The following SKP2 variants were observed in gnomAD, a reference collection of about 807,000 sequenced individuals.
SKP2 encodes S-phase kinase associated protein 2.
A neutral mutation model predicts 51.8 loss-of-function variants in SKP2; 16 were observed. The observed-to-expected ratio is 0.31, with a 90% CI of 0.21 to 0.47. The LOEUF (loss-of-function observed/expected upper bound fraction) is 0.47, where lower values mean the gene tolerates loss of function less well. Ranked by LOEUF, SKP2 falls within the 20% of genes least tolerant of loss-of-function variation. The probability of loss-of-function intolerance (pLI) is 1.00; values close to 1 mark genes in which losing one functional copy is unlikely to be tolerated. For missense variants in SKP2, 377 were observed against 505.3 expected (o/e 0.75, Z 2.43); for synonymous variants, 176 against 198.6 (o/e 0.89, Z 0.96).
chr5:36,154,329 G>A (rs1561530063), intron 2 of SKP2, among the ~76,000 whole-genome samples: 1 of 152,034 alleles, frequency 6.6e-6, no homozygotes, highest in East Asian at 1.9e-4. Flanking sequence ...CAAAGACCCT[G>A]GTGCATAAAT....
chr5:36,159,387 T>G (rs16902759), intron 2 of SKP2, among the ~76,000 whole-genome samples: 1,711 of 152,332 alleles, frequency 0.011, 31 homozygotes, highest in African/African-American at 0.039. Flanking sequence ...GTTAATTTAT[T>G]TCTCCTGCCC....
In SKP2 at chr5:36,161,811, C is replaced by T. The variant is rs986858038; in HGVS notation, c.281-1834C>T. On this transcript the variant is annotated intron_variant, in intron 2 of 9. Transcript: ENST00000274255. ...AGGACATGCTCAGTAAAGACTGGCA[C>T]CTTTAAATGGGAGTAGGAGGAGAGA... 5.3e-5 allele frequency among the ~76,000 whole-genome samples: 8 copies of T among 152,088 alleles called. No homozygotes were observed. In the East Asian group the frequency reaches 1.5e-3, roughly 29 times the overall value.
At chr5:36,164,043 G>A (rs936010975) in intron 3 of SKP2, among the ~76,000 whole-genome samples, 23 of 152,188 alleles carry the variant, frequency 1.5e-4, no homozygotes, top group African/African-American at 5.6e-4. Context: ...TAAGTGCGGA[G>A]AGAGTTACAG....
chr5:36,155,858 C>T (rs1744929756), intron 2 of SKP2, among the ~76,000 whole-genome samples: 1 of 152,166 alleles, frequency 6.6e-6, no homozygotes, highest in South Asian at 2.1e-4. Flanking sequence ...GGGAACAAGA[C>T]AGAAGTTTCC....
rs1415314283 is a variant in SKP2, at chr5:36,171,615, G to A, written c.783G>A (p.Leu261=). 5.0e-6 allele frequency: 8 copies of A among 1,613,724 alleles called. No individual in the cohort carries two copies. The highest frequency in any genetic ancestry group is 2.2e-5 in the East Asian group (1 of 44,880). ...CTCTTTTGTGCAGACTGGATGAGCTGAACCTCTCCTGGTGTTTTGATTTCA... is the reference window on the plus strand; with the variant it reads ...CTCTTTTGTGCAGACTGGATGAGCTAAACCTCTCCTGGTGTTTTGATTTCA... ...LLSSCSRLDE[L]NLSWCFDFTE... The change falls in exon 7 of 10, where the codon CTG becomes CTA. Residue 261 remains leucine (L), a synonymous_variant. Transcript: ENST00000274255.
chr5:36,164,013 G>A (rs1266048026), intron 3 of SKP2, among the ~76,000 whole-genome samples: 1 of 152,196 alleles, frequency 6.6e-6, no homozygotes, highest in Non-Finnish European at 1.5e-5. Context: ...GATGCTGACT[G>A]TAGGCCAGGC....
In SKP2 at chr5:36,184,068, C is replaced by CT. The variant is rs926472915; in HGVS notation, c.*2044dup. ...TAAGTTGTATTCCTTTTTTCTTTCT[C>CT]TTTTTTTAAGTGCTGTGGTTAAAAT... On this transcript the variant is annotated 3_prime_UTR_variant, in exon 10 of 10. Transcript: ENST00000274255. 5 of 949,784 alleles carry CT rather than the reference C, an allele frequency of 5.3e-6. No individual in the cohort carries two copies. The highest frequency in any genetic ancestry group is 5.3e-5 in the East Asian group (2 of 37,758). The allele number at this position is 949,784 out of a possible 1,614,324, so 58.8% of individuals were successfully genotyped here. A position where few individuals can be genotyped will look rare whatever the true frequency, so the allele number is the denominator to read the frequency against.
At position 36,168,237 on chromosome 5, in the gene SKP2, G is replaced by A. The variant is rs979427507; in HGVS notation, c.537-76G>A. 1.1e-5 allele frequency: 15 copies of A among 1,410,172 alleles called. No individual in the cohort carries two copies. The South Asian group carries it at 1.9e-4, about 18-fold the overall frequency. The allele number at this position is 1,410,172 out of a possible 1,614,324, so 87.4% of individuals were successfully genotyped here. A position where few individuals can be genotyped will look rare whatever the true frequency, so the allele number is the denominator to read the frequency against. On this transcript the variant is annotated intron_variant, in intron 4 of 9. Coordinates refer to ENST00000274255, the MANE Select transcript of SKP2 (RefSeq NM_005983.4). Reference sequence around the variant, plus strand: ...TTGTGATTGGCTGCTCATTTGGGGAGAAGAGGGGTCTGGTTTGAAATTGGA... The same window carrying A: ...TTGTGATTGGCTGCTCATTTGGGGAAAAGAGGGGTCTGGTTTGAAATTGGA...
At position 36,152,752 on chromosome 5, in the gene SKP2, G is replaced by A. The variant is rs1335425826; in HGVS notation, c.9-19G>A. The A allele has an allele frequency of 6.2e-7, 1 of 1,609,444 alleles. No individual in the cohort carries two copies. ...GGTGTGTTTTCGAAAGGAACCGGGG[G>A]TATTGTGCACTTCTGCAGGAAGCAC... On this transcript the variant is annotated intron_variant, in intron 1 of 9. Coordinates refer to ENST00000274255, the MANE Select transcript of SKP2 (RefSeq NM_005983.4).
rs774756529 is a variant in SKP2, at chr5:36,171,662, C to T, written c.830C>T (p.Ala277Val). The T allele has an allele frequency of 6.2e-7, 1 of 1,613,696 alleles. No homozygotes were observed. Among genetic ancestry groups the T allele is most frequent in the South Asian group, 1.1e-5 (1 of 91,064 alleles). The change falls in exon 7 of 10, where the codon GCT becomes GTT. Residue 277 changes from alanine (A) to valine (V), a missense_variant. Around this residue, in one of 2 missense-constraint regions of SKP2, gnomAD observed 262 missense variants for 389.8 expected, o/e 0.67. Coordinates refer to ENST00000274255, the MANE Select transcript of SKP2 (RefSeq NM_005983.4). ...FDFTEKHVQV[A>V]VAHVSETITQ... ...TTCACTGAAAAGCATGTACAGGTGG[C>T]TGTTGCGCATGTGTCAGAGACCATC...
chr5:36,177,856 C>T (rs562167408), intron 9 of SKP2, among the ~76,000 whole-genome samples: 13 of 152,188 alleles, frequency 8.5e-5, no homozygotes, highest in African/African-American at 2.2e-4. Context: ...CTTATTCAAA[C>T]CTGATGGTGA....
At position 36,153,062 on chromosome 5, in the gene SKP2, A is replaced by C. The variant is rs1173148028; in HGVS notation, c.280+20A>C. The stretch of plus-strand genomic sequence containing the variant: ...TTCCAGGTAAGGACATGAGGGTAAA[A>C]ATGTCAGTTATGCAAAGGGTGGATT... On this transcript the variant is annotated intron_variant, in intron 2 of 9. Coordinates refer to ENST00000274255, the MANE Select transcript of SKP2 (RefSeq NM_005983.4). 1 of 1,606,648 alleles carries C rather than the reference A, an allele frequency of 6.2e-7. No individual in the cohort carries two copies. The highest frequency in any genetic ancestry group is 1.3e-5 in the African/African-American group (1 of 74,646).
chr5:36,181,419 G>A (rs1196520849), intron 9 of SKP2, among the ~76,000 whole-genome samples: 1 of 152,156 alleles, frequency 6.6e-6, no homozygotes, highest in Admixed American at 6.5e-5. Context: ...GTAACCTGTG[G>A]TGGTTCCAAC....
chr5:36,165,947 CATACAT>C (rs1745272490), intron 3 of SKP2, among the ~76,000 whole-genome samples: 3 of 152,176 alleles, frequency 2.0e-5, no homozygotes, highest in Admixed American at 2.0e-4. Flanking sequence ...CATATGTACA[CATACAT>C]ATACACGTGT....
chr5:36,155,986 C>CA (rs1444532647), intron 2 of SKP2, among the ~76,000 whole-genome samples: 2 of 151,840 alleles, frequency 1.3e-5, no homozygotes, highest in East Asian at 3.9e-4. Context: ...TTCCACTCAG[C>CA]AAGAAAGGAG....
rs1481559643 is a variant in SKP2 at position 36,152,231 on chromosome 5, A to C, written c.-32A>C. 1 of 1,613,124 alleles carries C rather than the reference A, an allele frequency of 6.2e-7. No homozygotes were observed. Among genetic ancestry groups the C allele is most frequent in the Middle Eastern group, 1.7e-4 (1 of 6,032 alleles). On this transcript the variant is annotated 5_prime_UTR_variant, in exon 1 of 10. Transcript: ENST00000274255. ...AGGCGAGCAGCTCTGCAGTTAATGC[A>C]CGTATTTTAAACTCCCGGGCCTGCG...
In SKP2 at chr5:36,182,348, C is replaced by A; in HGVS notation, c.*317C>A. On this transcript the variant is annotated 3_prime_UTR_variant, in exon 10 of 10. Coordinates refer to ENST00000274255, the MANE Select transcript of SKP2 (RefSeq NM_005983.4). Reference sequence around the variant, plus strand: ...CTTCCAAGTGCCCTTCTTACTAAGTCTATTCAGAATCAAGCTTAAAAATTA... The same window carrying A: ...CTTCCAAGTGCCCTTCTTACTAAGTATATTCAGAATCAAGCTTAAAAATTA... The A allele has an allele frequency of 9.2e-7, 1 of 1,088,828 alleles. No homozygotes were observed. Among genetic ancestry groups the A allele is most frequent in the Non-Finnish European group, 1.1e-6 (1 of 894,852 alleles). The allele number at this position is 1,088,828 out of a possible 1,614,324, so 67.4% of individuals were successfully genotyped here.
In SKP2 at chr5:36,182,982, T is replaced by C; in HGVS notation, c.*951T>C. ...ACTTTTATATTACTCTGGAATCAAG[T>C]ATTTTAAATTGTATTTTTTTTTTAA... is the stretch of plus-strand genomic sequence containing the variant. On this transcript the variant is annotated 3_prime_UTR_variant, in exon 10 of 10. Transcript: ENST00000274255. 1 of 936,792 alleles carries C rather than the reference T, an allele frequency of 1.1e-6. No homozygotes were observed. Among genetic ancestry groups the C allele is most frequent in the South Asian group, 5.3e-5 (1 of 18,808 alleles). The allele number at this position is 936,792 out of a possible 1,614,324, so 58.0% of individuals were successfully genotyped here.
chr5:36,166,704 C>G, intron 4 of SKP2, 42 bp downstream of exon 4: 1 of 1,508,138 alleles, frequency 6.6e-7, no homozygotes, highest in Non-Finnish European at 9.2e-7. Flanking sequence ...TTCTAAATTT[C>G]GAGGTAGAAA....
Sources: allele counts gnomAD v4.1 joint callset (sites outside exome capture counted in the v4.1 genomes callset), GRCh38; gene constraint gnomAD v4.1.1; regional missense constraint gnomAD v4.1.1; transcripts MANE v1.5; gene names NCBI Gene and HGNC (gene_info 2026-07-23, HGNC 2026-07-21).